TNFSF10: variants seen among roughly 807,000 people sequenced by gnomAD.
TNFSF10 encodes the protein TNF superfamily member 10, also known as tumor necrosis factor ligand superfamily member 10.
In TNFSF10, 13 loss-of-function variants were observed where a neutral mutation model predicts 29.5. The observed-to-expected ratio is 0.44, with a 90% CI of 0.29 to 0.70. The LOEUF is 0.70. TNFSF10 is among the 30% of genes least tolerant of loss of function. TNFSF10 has a pLI of 0.13. For missense variants in TNFSF10, 345 were observed against 330.9 expected (o/e 1.04, Z -0.33); for synonymous variants, 111 against 112.8 (o/e 0.98, Z 0.10).
In TNFSF10 at chr3:172,523,358, TC is replaced by T. The variant is rs750614522; in HGVS notation, c.26del (p.Gly9AspfsTer10). On this transcript the variant is annotated frameshift_variant, in exon 1 of 5. Coordinates refer to ENST00000241261, the MANE Select transcript of TNFSF10 (RefSeq NM_003810.4). LOFTEE classifies it high-confidence loss of function. ...GCACGCAGGTCTGTCCCAGGCTGGG[TC>T]CCCCCTGGACCTCCATCATAGCCAT... is the stretch of plus-strand genomic sequence containing the variant. Reference protein sequence around the residue: MAMMEVQGGPSLGQTCVLI... With the variant: MAMMEVQGXPSLGQTCVLI... The T allele has an allele frequency of 9.4e-5, 152 of 1,613,654 alleles. No homozygotes were observed. Among genetic ancestry groups the T allele is most frequent in the Non-Finnish European group, 1.3e-4 (148 of 1,179,800 alleles).
intron 1 of TNFSF10, among the ~76,000 whole-genome samples, 163 bp from the exon 2 acceptor site, chr3:172,515,161 TAAA>T (rs766198713): frequency 2.1e-5 from 3 of 140,348 alleles, no homozygotes; most frequent in African/African-American, 2.6e-5. Context: ...CCTTTGTCCT[TAAA>T]AAAAAAAAAA....
chr3:172,519,741 G>A (rs528427796), intron 1 of TNFSF10, among the ~76,000 whole-genome samples: 73 of 152,320 alleles, frequency 4.8e-4, no homozygotes, highest in African/African-American at 1.7e-3. Flanking sequence ...GACTGATTGG[G>A]ATAACCAAAC....
intron 2 of TNFSF10, among the ~76,000 whole-genome samples, chr3:172,514,542 T>C (rs1221169141): frequency 6.6e-6 from 1 of 152,208 alleles, no homozygotes; most frequent in Non-Finnish European, 1.5e-5. Context: ...CTTTATGACT[T>C]TGTGACCTTC....
chr3:172,515,698 T>C (rs1453556158), intron 1 of TNFSF10, among the ~76,000 whole-genome samples: 1 of 152,000 alleles, frequency 6.6e-6, no homozygotes, highest in South Asian at 2.1e-4. Flanking sequence ...ACAATGGCAA[T>C]AGTCAGATCA....
intron 1 of TNFSF10, among the ~76,000 whole-genome samples, chr3:172,516,332 T>A (rs987998375): frequency 6.6e-6 from 1 of 152,126 alleles, no homozygotes; most frequent in African/African-American, 2.4e-5. Flanking sequence ...AATTTTAATC[T>A]GTTATTTGAA....
chr3:172,522,998 TC>T (rs1284349141), intron 1 of TNFSF10, among the ~76,000 whole-genome samples: 1 of 152,172 alleles, frequency 6.6e-6, no homozygotes, highest in African/African-American at 2.4e-5. Context: ...AAACAAAAAA[TC>T]CCTCAGGAGT....
In TNFSF10 at chr3:172,514,858, T is replaced by C. The variant is rs775391845; in HGVS notation, c.270+3A>G. The C allele has an allele frequency of 1.2e-6, 2 of 1,614,180 alleles. No individual in the cohort carries two copies. Among genetic ancestry groups the C allele is most frequent in the Non-Finnish European group, 1.7e-6 (2 of 1,180,010 alleles). ...GGTGAGGTCACCTGGTGAGGTTACC[T>C]ACCTTTCTAACGAGCTGACGGAGTT... On this transcript the variant is annotated splice_donor_region_variant and intron_variant, in intron 2 of 4. Coordinates refer to ENST00000241261, the MANE Select transcript of TNFSF10 (RefSeq NM_003810.4).
At chr3:172,520,807 A>C (rs557434310) in intron 1 of TNFSF10, among the ~76,000 whole-genome samples, 1 of 152,348 alleles carries the variant, frequency 6.6e-6, no homozygotes, top group South Asian at 2.1e-4. Flanking sequence ...AAAGCAGGGA[A>C]GATGGCTACA....
At position 172,506,479 on chromosome 3, in the gene TNFSF10, C is replaced by T; in HGVS notation, c.*13G>A. ...AGTCACTTTGAGGTTATTGCTTTTT[C>T]TTTCCAGGTCAGTTAGCCAACTAAA... On this transcript the variant is annotated 3_prime_UTR_variant, in exon 5 of 5. Transcript: ENST00000241261. The T allele has an allele frequency of 6.3e-7, 1 of 1,580,026 alleles. No homozygotes were observed. Among genetic ancestry groups the T allele is most frequent in the Admixed American group, 1.9e-5 (1 of 52,506 alleles).
chr3:172,511,085 G>A lies in TNFSF10; in HGVS notation c.313+532C>T, dbSNP rs187113854. On this transcript the variant is annotated intron_variant, in intron 3 of 4. Transcript: ENST00000241261. Reference sequence around the variant, plus strand: ...ACAGTAGTGCACAGAGAGGTGGGTCGAGAGAAGGCTGCTGACCATGAACAA... The same window carrying A: ...ACAGTAGTGCACAGAGAGGTGGGTCAAGAGAAGGCTGCTGACCATGAACAA... 3.9e-5 allele frequency among the ~76,000 whole-genome samples: 6 copies of A among 152,238 alleles called. No homozygotes were observed. The East Asian group carries it at 9.7e-4, about 25-fold the overall frequency.
chr3:172,514,004 A>G (rs1713334067), intron 2 of TNFSF10, among the ~76,000 whole-genome samples: 1 of 151,952 alleles, frequency 6.6e-6, no homozygotes, highest in Non-Finnish European at 1.5e-5. Context: ...ACACTTTGCT[A>G]ATTTTTGTAT....
At position 172,514,927 on chromosome 3, in the gene TNFSF10, A is replaced by T. The variant is rs1197567693; in HGVS notation, c.204T>A (p.Asn68Lys). The T allele has an allele frequency of 6.2e-7, 1 of 1,614,060 alleles. No homozygotes were observed. The highest frequency in any genetic ancestry group is 8.5e-7 in the Non-Finnish European group (1 of 1,180,030). The change falls in exon 2 of 5, where the codon AAT becomes AAA. Residue 68 changes from asparagine (N) to lysine (K), a missense_variant. Physicochemically the swap from Asn to Lys is moderately conservative, Grantham distance 94. Coordinates refer to ENST00000241261, the MANE Select transcript of TNFSF10 (RefSeq NM_003810.4). ...AGGGGCTGTTCATACTCTCTTCGTC[A>T]TTGGGGTCCCAATAACTGTCATCTT... ...LKEDDSYWDP[N>K]DEESMNSPCW...
At chr3:172,507,101 G>T (rs1174829921) in intron 4 of TNFSF10, among the ~76,000 whole-genome samples, 182 bp from the exon 5 acceptor site, 2 of 152,140 alleles carry the variant, frequency 1.3e-5, no homozygotes, top group Non-Finnish European at 2.9e-5. Context: ...CATAGAAATT[G>T]GGAGGTTCCT....
chr3:172,516,189 G>A (rs567103564), intron 1 of TNFSF10, among the ~76,000 whole-genome samples: 10 of 151,872 alleles, frequency 6.6e-5, no homozygotes, highest in Non-Finnish European at 1.3e-4. Context: ...GTGTGAACCC[G>A]GGAGGCGGAG....
At chr3:172,506,951 C>T (rs769476197) in intron 4 of TNFSF10, 32 bp from the exon 5 acceptor site, 2 of 1,510,196 alleles carry the variant, frequency 1.3e-6, no homozygotes, top group South Asian at 1.3e-5. Context: ...AGAGCGTTAA[C>T]AGAAGGGAAT....
chr3:172,512,751 G>A (rs1214248626), intron 2 of TNFSF10, among the ~76,000 whole-genome samples: 1 of 152,178 alleles, frequency 6.6e-6, no homozygotes, highest in Non-Finnish European at 1.5e-5. Context: ...GAAAGAAGGG[G>A]AAGCAACAGG....
At chr3:172,515,059 T>G in intron 1 of TNFSF10, 61 bp from the exon 2 acceptor site, 1 of 1,609,122 alleles carries the variant, frequency 6.2e-7, no homozygotes, top group Non-Finnish European at 8.5e-7. Context: ...TTTGTTCATT[T>G]GGAAGTTAAG....
At chr3:172,508,381 A>G (rs1303114740) in intron 4 of TNFSF10, among the ~76,000 whole-genome samples, 2 of 152,226 alleles carry the variant, frequency 1.3e-5, no homozygotes, top group African/African-American at 4.8e-5. Context: ...TATATAAATT[A>G]GATGTAACAT....
At chr3:172,510,344 A>C (rs1021679204) in intron 3 of TNFSF10, among the ~76,000 whole-genome samples, 3 of 152,150 alleles carry the variant, frequency 2.0e-5, no homozygotes, top group African/African-American at 7.2e-5. Context: ...TAGTCCTACT[A>C]TTCGGGAAGC....
Sources: allele counts gnomAD v4.1 joint callset (sites outside exome capture counted in the v4.1 genomes callset), GRCh38; gene constraint gnomAD v4.1.1; transcripts MANE v1.5; gene names NCBI Gene and HGNC (gene_info 2026-07-23, HGNC 2026-07-21).